Variants in SRSF8 observed in about 807,000 individuals in gnomAD.
SRSF8 encodes the protein serine and arginine rich splicing factor 8, also known as serine/arginine-rich splicing factor 8.
In SRSF8, 3 loss-of-function variants were observed where a neutral mutation model predicts 2.0. The observed-to-expected ratio is 1.47, with a 90% confidence interval of 0.67 to 3.79. SRSF8 has a LOEUF of 3.79. SRSF8 is among the 30% of genes most tolerant of loss of function. The pLI, the probability that SRSF8 is intolerant of heterozygous loss-of-function variation, is 0.02. For missense variants in SRSF8, 408 were observed against 410.9 expected (o/e 0.99, Z 0.06); for synonymous variants, 162 against 170.7 (o/e 0.95, Z 0.40).
At position 95,067,422 on chromosome 11, in the gene SRSF8, C is replaced by A. The variant is rs782313632; in HGVS notation, c.196C>A (p.Arg66Ser). ...GFAFVRFHDRRDAQDAEAAMD... is the reference protein window; with the variant it reads ...GFAFVRFHDRSDAQDAEAAMD... ...CGCTTTCGTCCGCTTTCACGACCGGCGCGACGCCCAAGACGCCGAGGCCGC... is the reference window on the plus strand; with the variant it reads ...CGCTTTCGTCCGCTTTCACGACCGGAGCGACGCCCAAGACGCCGAGGCCGC... Residue 66 changes from arginine to serine, a missense_variant, in exon 1 of 1, where the codon CGC becomes AGC. Physicochemically the swap from Arg to Ser is moderately radical, Grantham distance 110 (BLOSUM62 -1). Transcript: ENST00000587424. The A allele has an allele frequency of 3.2e-6, 5 of 1,559,168 alleles. No individual in the cohort carries two copies. The highest frequency in any genetic ancestry group is 1.9e-5 in the Admixed American group (1 of 53,384).
At position 95,068,073 on chromosome 11, in the gene SRSF8, T is replaced by C; in HGVS notation, c.847T>C (p.Ter283GlnextTer48). The change falls in exon 1 of 1, where the codon TAA (stop) becomes CAA (glutamine). Residue 283 changes from the stop codon to glutamine, a stop_lost. Transcript: ENST00000587424. ...TGAAGAGGAAGGACAGATGTCCTCT[T>C]AAGAAAATGATGCATCAGGAAGCAA... ...SPEEEGQMSS[*>Q] 6.2e-7 allele frequency: 1 copy of C among 1,602,866 alleles called. No homozygotes were observed. The highest frequency in any genetic ancestry group is 2.2e-5 in the East Asian group (1 of 44,548).
chr11:95,069,537 A>G lies in SRSF8; in HGVS notation c.*1462A>G, dbSNP rs1189443109. 3 of 167,098 alleles carry G rather than the reference A, an allele frequency of 1.8e-5. No homozygotes were observed. The highest frequency in any genetic ancestry group is 7.2e-5 in the African/African-American group (3 of 41,472). The allele number at this position is 167,098 out of a possible 1,614,324, so 10.4% of individuals were successfully genotyped here. ...CTTCATTAATATTTTTGACTGAATTATCAATTAAAAATATTTCATTCCCTT... is the reference window on the plus strand; with the variant it reads ...CTTCATTAATATTTTTGACTGAATTGTCAATTAAAAATATTTCATTCCCTT... On this transcript the variant is annotated 3_prime_UTR_variant, in exon 1 of 1. Transcript: ENST00000587424.
chr11:95,069,420 A>G lies in SRSF8; in HGVS notation c.*1345A>G, dbSNP rs1409022719. Reference sequence around the variant, plus strand: ...TTTCTGCTTATACCTTTACTAGCAAAGGGAAAAATAACAATTTGGTGTCAA... The same window carrying G: ...TTTCTGCTTATACCTTTACTAGCAAGGGGAAAAATAACAATTTGGTGTCAA... On this transcript the variant is annotated 3_prime_UTR_variant, in exon 1 of 1. Transcript: ENST00000587424. 1.2e-5 allele frequency: 2 copies of G among 166,180 alleles called. No individual in the cohort carries two copies. The highest frequency in any genetic ancestry group is 4.8e-5 in the African/African-American group (2 of 41,430). The allele number at this position is 166,180 out of a possible 1,614,324, so 10.3% of individuals were successfully genotyped here. A position where few individuals can be genotyped will look rare whatever the true frequency, so the allele number is the denominator to read the frequency against.
chr11:95,067,789 C>T lies in SRSF8; in HGVS notation c.563C>T (p.Ser188Phe), dbSNP rs782277413. Residue 188 changes from serine to phenylalanine, a missense_variant, in exon 1 of 1, where the codon TCT becomes TTT. Physicochemically the swap from Ser to Phe is radical, Grantham distance 155 (BLOSUM62 -2). Around this residue, in one of 2 missense-constraint regions of SRSF8, gnomAD observed 346 missense variants for 316.5 expected, o/e 1.09. Transcript: ENST00000587424. The stretch of plus-strand genomic sequence containing the variant: ...TACAGGGAATCTCGCTACGGCGGAT[C>T]TCACTACAGCTCATCTGGTTACAGT... ...SRYRESRYGG[S>F]HYSSSGYSNS... 2 of 1,614,068 alleles carry T rather than the reference C, an allele frequency of 1.2e-6. No homozygotes were observed. Among genetic ancestry groups the T allele is most frequent in the East Asian group, 2.2e-5 (1 of 44,888 alleles).
At chr11:95,066,899 G>A (rs1165013905), upstream of SRSF8, among the ~76,000 whole-genome samples, 1 of 152,232 alleles carries the variant, frequency 6.6e-6, no homozygotes, top group Non-Finnish European at 1.5e-5. Flanking sequence ...GACGTCTAAT[G>A]TAAATCCAGC....
Position 95,067,747 on chromosome 11 carries a change from C to G in SRSF8, c.521C>G (p.Pro174Arg). The G allele has an allele frequency of 6.2e-7, 1 of 1,614,066 alleles. No homozygotes were observed. Among genetic ancestry groups the G allele is most frequent in the South Asian group, 1.1e-5 (1 of 91,082 alleles). ...PYSRSRYSRSPYSRSRYRESR... is the reference protein window; with the variant it reads ...PYSRSRYSRSRYSRSRYRESR... Reference sequence around the variant, plus strand: ...AGCCGGTCGCGCTACAGCCGCTCTCCCTACAGCAGATCTCGCTACAGGGAA... The same window carrying G: ...AGCCGGTCGCGCTACAGCCGCTCTCGCTACAGCAGATCTCGCTACAGGGAA... The change falls in exon 1 of 1, where the codon CCC becomes CGC. Residue 174 changes from proline (P) to arginine (R), a missense_variant. Physicochemically the swap from Pro to Arg is moderately radical, Grantham distance 103. Around this residue, in one of 2 missense-constraint regions of SRSF8, gnomAD observed 346 missense variants for 316.5 expected, o/e 1.09. Transcript: ENST00000587424.
rs1858699273 is a variant in SRSF8, at chr11:95,069,141, C to T, written c.*1066C>T. Reference sequence around the variant, plus strand: ...GATGGAAAGTAGGTTGTTTTATTTTCTGTATGACTTTTGGATATTTGTACT... The same window carrying T: ...GATGGAAAGTAGGTTGTTTTATTTTTTGTATGACTTTTGGATATTTGTACT... On this transcript the variant is annotated 3_prime_UTR_variant, in exon 1 of 1. Coordinates refer to ENST00000587424, the MANE Select transcript of SRSF8 (RefSeq NM_032102.4). 6.0e-6 allele frequency: 1 copy of T among 166,906 alleles called. No homozygotes were observed. Among genetic ancestry groups the T allele is most frequent in the South Asian group, 2.1e-4 (1 of 4,824 alleles). The allele number at this position is 166,906 out of a possible 1,614,324, so 10.3% of individuals were successfully genotyped here.
Position 95,068,209 on chromosome 11 carries a change from T to G in SRSF8, c.*134T>G. On this transcript the variant is annotated 3_prime_UTR_variant, in exon 1 of 1. Coordinates refer to ENST00000587424, the MANE Select transcript of SRSF8 (RefSeq NM_032102.4). The stretch of plus-strand genomic sequence containing the variant: ...GTTGTGTCACACTTTTCTACCTTTT[T>G]GCCAGTTTGAAGCTTTGCATCAGGT... 1 of 946,880 alleles carries G rather than the reference T, an allele frequency of 1.1e-6. No individual in the cohort carries two copies. The highest frequency in any genetic ancestry group is 1.6e-6 in the Non-Finnish European group (1 of 642,208). The allele number at this position is 946,880 out of a possible 1,614,324, so 58.7% of individuals were successfully genotyped here.
Position 95,067,087 on chromosome 11 carries a change from T to C in SRSF8, c.-140T>C, listed in dbSNP as rs1346853805. 1 of 814,450 alleles carries C rather than the reference T, an allele frequency of 1.2e-6. No individual in the cohort carries two copies. Among genetic ancestry groups the C allele is most frequent in the Non-Finnish European group, 1.8e-6 (1 of 561,430 alleles). 50.5% of individuals were successfully genotyped at this position (814,450 alleles called of 1,614,324 possible). ...GAAGTTGCTGCTCCAGGGCGCTCCC[T>C]GCGGAGCTCCGCCGCCCGCCTCTCC... On this transcript the variant is annotated 5_prime_UTR_variant, in exon 1 of 1. Coordinates refer to ENST00000587424, the MANE Select transcript of SRSF8 (RefSeq NM_032102.4).
Position 95,068,533 on chromosome 11 carries a change from A to G in SRSF8, c.*458A>G, listed in dbSNP as rs1416784091. On this transcript the variant is annotated 3_prime_UTR_variant, in exon 1 of 1. Coordinates refer to ENST00000587424, the MANE Select transcript of SRSF8 (RefSeq NM_032102.4). ...AAGGTGGTGTAAATTAATATGGATA[A>G]TTTTATTTACCTCCAGGTCTAAAAG... 5.7e-6 allele frequency: 1 copy of G among 174,196 alleles called. No individual in the cohort carries two copies. Among genetic ancestry groups the G allele is most frequent in the Non-Finnish European group, 1.4e-5 (1 of 71,788 alleles). The allele number at this position is 174,196 out of a possible 1,614,324, so 10.8% of individuals were successfully genotyped here. A position where few individuals can be genotyped will look rare whatever the true frequency, so the allele number is the denominator to read the frequency against.
At position 95,067,011 on chromosome 11, in the gene SRSF8, A is replaced by G. The variant is rs1160071618; in HGVS notation, c.-216A>G. Among the ~76,000 whole-genome samples the G allele has an allele frequency of 2.6e-5, 4 of 152,272 alleles. No individual in the cohort carries two copies. The highest frequency in any genetic ancestry group is 5.9e-5 in the Non-Finnish European group (4 of 68,044). On this transcript the variant is annotated 5_prime_UTR_variant, in exon 1 of 1. Coordinates refer to ENST00000587424, the MANE Select transcript of SRSF8 (RefSeq NM_032102.4). ...CTTCATTTGGAGTTCAGCTACCAAA[A>G]GGAAACCTTCCTCTGGGTCCTGGAG...
chr11:95,067,902 T>G lies in SRSF8; in HGVS notation c.676T>G (p.Ser226Ala). The G allele has an allele frequency of 6.2e-7, 1 of 1,613,896 alleles. No homozygotes were observed. The highest frequency in any genetic ancestry group is 8.5e-7 in the Non-Finnish European group (1 of 1,179,890). Reference protein sequence around the residue: ...TSSRSASTSKSSSARRSKSSS... With the variant: ...TSSRSASTSKASSARRSKSSS... ...CTCTCGCTCTGCATCAACCTCCAAATCGAGCTCTGCGCGACGATCCAAGTC... is the reference window on the plus strand; with the variant it reads ...CTCTCGCTCTGCATCAACCTCCAAAGCGAGCTCTGCGCGACGATCCAAGTC... The change falls in exon 1 of 1, where the codon TCG becomes GCG. Residue 226 changes from serine (S) to alanine (A), a missense_variant. Physicochemically the swap from Ser to Ala is moderately conservative, Grantham distance 99. Transcript: ENST00000587424.
rs1858670350 is a variant in SRSF8 at position 95,067,630 on chromosome 11, G to A, written c.404G>A (p.Arg135Gln). 1.3e-6 allele frequency: 2 copies of A among 1,587,832 alleles called. No homozygotes were observed. The highest frequency in any genetic ancestry group is 1.3e-5 in the African/African-American group (1 of 74,168). ...SRSPRRRHRSRSRGPSCSRSR... is the reference protein window; with the variant it reads ...SRSPRRRHRSQSRGPSCSRSR... ...AGCCCCAGGCGGCGACACCGCAGCCGATCCCGGGGTCCCAGCTGCTCCAGG... is the reference window on the plus strand; with the variant it reads ...AGCCCCAGGCGGCGACACCGCAGCCAATCCCGGGGTCCCAGCTGCTCCAGG... Residue 135 changes from arginine to glutamine, a missense_variant, in exon 1 of 1, where the codon CGA (arginine) becomes CAA (glutamine). Coordinates refer to ENST00000587424, the MANE Select transcript of SRSF8 (RefSeq NM_032102.4).
chr11:95,067,572 C>A lies in SRSF8; in HGVS notation c.346C>A (p.Arg116=). 1.4e-6 allele frequency: 2 copies of A among 1,480,452 alleles called. No homozygotes were observed. The highest frequency in any genetic ancestry group is 1.8e-6 in the Non-Finnish European group (2 of 1,094,758). 91.7% of individuals were successfully genotyped at this position (1,480,452 alleles called of 1,614,324 possible). A position where few individuals can be genotyped will look rare whatever the true frequency, so the allele number is the denominator to read the frequency against. The change falls in exon 1 of 1, where the codon CGG becomes AGG. Residue 116 remains arginine, a synonymous_variant. Coordinates refer to ENST00000587424, the MANE Select transcript of SRSF8 (RefSeq NM_032102.4). ...RGRSRGGGYG[R]RSRSYGRRSR... is the part of the protein sequence containing the mutation. ...CAGGTCCAGAGGCGGCGGCTACGGACGGCGGAGCCGCAGCTACGGGCGGCG... is the reference window on the plus strand; with the variant it reads ...CAGGTCCAGAGGCGGCGGCTACGGAAGGCGGAGCCGCAGCTACGGGCGGCG...
chr11:95,067,254 G>A lies in SRSF8; in HGVS notation c.28G>A (p.Val10Met). The A allele has an allele frequency of 2.6e-6, 4 of 1,550,766 alleles. No homozygotes were observed. Among genetic ancestry groups the A allele is most frequent in the Non-Finnish European group, 3.5e-6 (4 of 1,146,066 alleles). ...GAGCTGCGGCCGCCCCCCTCCCGACGTGGACGGCATGATCACCCTCAAGGT... is the reference window on the plus strand; with the variant it reads ...GAGCTGCGGCCGCCCCCCTCCCGACATGGACGGCATGATCACCCTCAAGGT... MSCGRPPPD[V>M]DGMITLKVDN... Residue 10 changes from valine (V) to methionine (M), a missense_variant, in exon 1 of 1, where the codon GTG (valine) becomes ATG (methionine). This residue lies in a region of SRSF8 where 62 missense variants were observed against 94.4 expected (regional missense o/e 0.66). Coordinates refer to ENST00000587424, the MANE Select transcript of SRSF8 (RefSeq NM_032102.4).
At position 95,068,985 on chromosome 11, in the gene SRSF8, T is replaced by A. The variant is rs1305808997; in HGVS notation, c.*910T>A. 1 of 166,922 alleles carries A rather than the reference T, an allele frequency of 6.0e-6. No individual in the cohort carries two copies. The highest frequency in any genetic ancestry group is 6.5e-5 in the Admixed American group (1 of 15,290). 10.3% of individuals were successfully genotyped at this position (166,922 alleles called of 1,614,324 possible). On this transcript the variant is annotated 3_prime_UTR_variant, in exon 1 of 1. Coordinates refer to ENST00000587424, the MANE Select transcript of SRSF8 (RefSeq NM_032102.4). Reference sequence around the variant, plus strand: ...TGGAGAATGTTATGGAAGAAATAGTTTATAAGTTTGTTAAGTACTTATAAC... The same window carrying A: ...TGGAGAATGTTATGGAAGAAATAGTATATAAGTTTGTTAAGTACTTATAAC...
Position 95,067,560 on chromosome 11 carries a change from G to A in SRSF8, c.334G>A (p.Gly112Ser), listed in dbSNP as rs781821892. The A allele has an allele frequency of 5.8e-6, 9 of 1,540,936 alleles. No individual in the cohort carries two copies. The highest frequency in any genetic ancestry group is 1.4e-5 in the African/African-American group (1 of 72,624). ...QGEPRGRSRG[G>S]GYGRRSRSYG... The stretch of plus-strand genomic sequence containing the variant: ...AGAGCCACGCGGCAGGTCCAGAGGC[G>A]GCGGCTACGGACGGCGGAGCCGCAG... Residue 112 changes from glycine (G) to serine (S), a missense_variant, in exon 1 of 1, where the codon GGC becomes AGC. Gly to Ser is a moderately conservative substitution (Grantham distance 56, BLOSUM62 0). Around this residue, in one of 2 missense-constraint regions of SRSF8, gnomAD observed 346 missense variants for 316.5 expected, o/e 1.09. Transcript: ENST00000587424.
rs1374070200 is a variant in SRSF8, at chr11:95,069,362, C to G, written c.*1287C>G. Reference sequence around the variant, plus strand: ...ATCCATTTTTGGCTTTCATCATTATCCCTACTAGATGTTATGTGTTCTTTT... The same window carrying G: ...ATCCATTTTTGGCTTTCATCATTATGCCTACTAGATGTTATGTGTTCTTTT... On this transcript the variant is annotated 3_prime_UTR_variant, in exon 1 of 1. Transcript: ENST00000587424. 6.0e-6 allele frequency: 1 copy of G among 166,130 alleles called. No individual in the cohort carries two copies. Among genetic ancestry groups the G allele is most frequent in the Non-Finnish European group, 1.5e-5 (1 of 68,076 alleles). The allele number at this position is 166,130 out of a possible 1,614,324, so 10.3% of individuals were successfully genotyped here.
At position 95,067,373 on chromosome 11, in the gene SRSF8, C is replaced by T. The variant is rs1555106988; in HGVS notation, c.147C>T (p.Pro49=). 2.5e-6 allele frequency: 4 copies of T among 1,598,962 alleles called. No homozygotes were observed. The Admixed American group carries it at 6.8e-5, about 27-fold the overall frequency. ...RVGDVYIPRE[P]HTKAPRGFAF... ...GCGACGTGTACATCCCGCGGGAGCCCCACACCAAGGCGCCCCGGGGCTTCG... is the reference window on the plus strand; with the variant it reads ...GCGACGTGTACATCCCGCGGGAGCCTCACACCAAGGCGCCCCGGGGCTTCG... The change falls in exon 1 of 1, where the codon CCC becomes CCT. Residue 49 remains proline (P), a synonymous_variant. Coordinates refer to ENST00000587424, the MANE Select transcript of SRSF8 (RefSeq NM_032102.4).
Sources: allele counts gnomAD v4.1 joint callset (sites outside exome capture counted in the v4.1 genomes callset), GRCh38; gene constraint gnomAD v4.1.1; regional missense constraint gnomAD v4.1.1; transcripts MANE v1.5; gene names NCBI Gene and HGNC (gene_info 2026-07-23, HGNC 2026-07-21).